The following TNRC6A variants were observed in gnomAD, a reference collection of about 807,000 sequenced individuals.
The protein encoded by TNRC6A is trinucleotide repeat-containing gene 6A protein.
In TNRC6A, 44 loss-of-function variants were observed where a neutral mutation model predicts 221.2. The ratio of observed to expected loss-of-function variants is 0.20; its 90% CI spans 0.16 to 0.26. The LOEUF (loss-of-function observed/expected upper bound fraction) is 0.26, where lower values mean the gene tolerates loss of function less well. Ranked by LOEUF, TNRC6A falls within the 10% of genes least tolerant of loss-of-function variation. TNRC6A has a pLI of 1.00. For synonymous variants in TNRC6A, 847 were observed against 838.5 expected, an observed-to-expected ratio of 1.01 and a Z score of -0.18; for missense variants, 2,199 against 2,404.4, an observed-to-expected ratio of 0.91 and a Z score of 1.79.
chr16:24,758,281 G>C lies in TNRC6A; in HGVS notation c.142-58G>C, dbSNP rs1596629278. 8.6e-6 allele frequency: 13 copies of C among 1,512,970 alleles called. No individual in the cohort carries two copies. In the East Asian group the frequency reaches 2.9e-4, roughly 34 times the overall value. The allele number at this position is 1,512,970 out of a possible 1,614,324, so 93.7% of individuals were successfully genotyped here. Reference sequence around the variant, plus strand: ...AATATATGAACATTTTATCATAACAGTCCATTTCTTTCAGTTTCATATTTA... The same window carrying C: ...AATATATGAACATTTTATCATAACACTCCATTTCTTTCAGTTTCATATTTA... On this transcript the variant is annotated intron_variant, in intron 3 of 24. Coordinates refer to ENST00000395799, the MANE Select transcript of TNRC6A (RefSeq NM_014494.4).
intron 2 of TNRC6A, among the ~76,000 whole-genome samples, chr16:24,745,515 T>C (rs1214014418): frequency 1.3e-5 from 2 of 152,236 alleles, no homozygotes; most frequent in African/African-American, 4.8e-5. Flanking sequence ...TATTTCTAGC[T>C]TGTAACATAC....
chr16:24,650,071 G>A (rs1029196099), intron 2 of TNRC6A, among the ~76,000 whole-genome samples: 2 of 151,148 alleles, frequency 1.3e-5, no homozygotes, highest in Non-Finnish European at 3.0e-5. Context: ...TGATCTGCCT[G>A]CCTTGGCCTT....
At position 24,797,834 on chromosome 16, in the gene TNRC6A, AAC is replaced by A. The variant is rs1341539887; in HGVS notation, c.3643-77_3643-76del. The A allele has an allele frequency of 4.1e-5, 52 of 1,260,704 alleles. No homozygotes were observed. The African/African-American group carries it at 5.8e-4, about 14-fold the overall frequency. The allele number at this position is 1,260,704 out of a possible 1,614,324, so 78.1% of individuals were successfully genotyped here. On this transcript the variant is annotated intron_variant, in intron 10 of 24. Transcript: ENST00000395799. ...TCCACTTGAATTTCACAGATAATGA[AAC>A]ACAGTAAAATTCTTCATTTTTTATT... is the stretch of plus-strand genomic sequence containing the variant.
At chr16:24,669,964 TTTTTA>T (rs1198850605) in intron 2 of TNRC6A, among the ~76,000 whole-genome samples, 1 of 127,608 alleles carries the variant, frequency 7.8e-6, no homozygotes, top group African/African-American at 2.9e-5. Flanking sequence ...TTTTTTTTTT[TTTTTA>T]GACAGAGTCT....
intron 1 of TNRC6A, among the ~76,000 whole-genome samples, chr16:24,620,763 G>A (rs1231005762): frequency 1.1e-4 from 17 of 150,478 alleles, no homozygotes; most frequent in African/African-American, 3.7e-4. Context: ...AGCCGAGATC[G>A]TGCCATTGCA....
intron 9 of TNRC6A, 161 bp downstream of exon 9, chr16:24,796,100 A>T: frequency 1.5e-6 from 1 of 685,570 alleles, no homozygotes; most frequent in Non-Finnish European, 2.5e-6. Flanking sequence ...GGGAGCTCAC[A>T]GTCTAGTATG....
At chr16:24,681,645 A>G (rs1338515568) in intron 2 of TNRC6A, among the ~76,000 whole-genome samples, 1 of 152,142 alleles carries the variant, frequency 6.6e-6, no homozygotes, top group Non-Finnish European at 1.5e-5. Flanking sequence ...ATGTGTTGTA[A>G]TTAGTCCAAC....
intron 2 of TNRC6A, among the ~76,000 whole-genome samples, chr16:24,688,825 G>A (rs1253603290): frequency 2.0e-5 from 3 of 152,180 alleles, no homozygotes; most frequent in Non-Finnish European, 4.4e-5. Context: ...AATCAGACTT[G>A]AACTCTATTC....
intron 2 of TNRC6A, among the ~76,000 whole-genome samples, chr16:24,680,905 G>A (rs115743636): frequency 0.013 from 1,932 of 150,916 alleles, 46 homozygotes; most frequent in African/African-American, 0.043. Flanking sequence ...GACTACAGGC[G>A]TGCACAACCA....
upstream of TNRC6A, among the ~76,000 whole-genome samples, chr16:24,728,484 G>C (rs1205553762): frequency 2.7e-5 from 4 of 147,870 alleles, no homozygotes; most frequent in African/African-American, 9.9e-5. Flanking sequence ...AAAAAAAAAA[G>C]CCAGTTGAAG....
chr16:24,647,981 C>T (rs760196124), intron 2 of TNRC6A, among the ~76,000 whole-genome samples: 4 of 152,048 alleles, frequency 2.6e-5, no homozygotes, highest in Non-Finnish European at 5.9e-5. Context: ...TATTTATCCT[C>T]TTTTGTTGGG....
intron 4 of TNRC6A, among the ~76,000 whole-genome samples, chr16:24,769,834 G>C (rs1489552609): frequency 6.6e-6 from 1 of 152,092 alleles, no homozygotes; most frequent in Non-Finnish European, 1.5e-5. Flanking sequence ...TTAATCCTCA[G>C]TATTGTTCTA....
At chr16:24,620,392 G>A (rs767856320) in intron 1 of TNRC6A, among the ~76,000 whole-genome samples, 1 of 152,112 alleles carries the variant, frequency 6.6e-6, no homozygotes, top group Non-Finnish European at 1.5e-5. Context: ...TGGTAGTGTC[G>A]TTATAATGCT....
chr16:24,795,827 T>A, intron 8 of TNRC6A, 80 bp from the exon 9 acceptor site: 3 of 1,387,524 alleles, frequency 2.2e-6, no homozygotes, highest in Non-Finnish European at 2.9e-6. Flanking sequence ...AGTAAGGACT[T>A]AAGTTTAGGT....
chr16:24,763,705 G>A (rs139550697), intron 4 of TNRC6A, among the ~76,000 whole-genome samples: 1 of 152,210 alleles, frequency 6.6e-6, no homozygotes, highest in East Asian at 1.9e-4. Context: ...TATGGTCACT[G>A]GTAATAAGCA....
chr16:24,761,821 G>T (rs989398106), intron 4 of TNRC6A, among the ~76,000 whole-genome samples: 7 of 152,146 alleles, frequency 4.6e-5, no homozygotes, highest in African/African-American at 1.7e-4. Flanking sequence ...GTGAGCCACC[G>T]CAGCTGGCTG....
At position 24,744,489 on chromosome 16, in the gene TNRC6A, T is replaced by TTCAC. The variant is rs757986373; in HGVS notation, c.54-6229_54-6226dup. Reference sequence around the variant, plus strand: ...CTGTAAGATTTGGTACTTCTCTCCATTCACTCACTCAATCATTCATTCATA... The same window carrying TTCAC: ...CTGTAAGATTTGGTACTTCTCTCCATTCACTCACTCACTCAATCATTCATTCATA... On this transcript the variant is annotated intron_variant, in intron 2 of 24. Coordinates refer to ENST00000395799, the MANE Select transcript of TNRC6A (RefSeq NM_014494.4). 2.5e-4 allele frequency among the ~76,000 whole-genome samples: 38 copies of TTCAC among 152,330 alleles called. No homozygotes were observed. In the South Asian group the frequency reaches 7.3e-3, roughly 29 times the overall value.
At chr16:24,703,368 T>TGTCA (rs1309211899) in intron 2 of TNRC6A, among the ~76,000 whole-genome samples, 1 of 152,180 alleles carries the variant, frequency 6.6e-6, no homozygotes, top group Non-Finnish European at 1.5e-5. Flanking sequence ...CCATAGCATG[T>TGTCA]GTCAGTACTC....
intron 2 of TNRC6A, among the ~76,000 whole-genome samples, chr16:24,690,049 T>G (rs1367560541): frequency 2.9e-5 from 4 of 136,554 alleles, no homozygotes; most frequent in South Asian, 2.4e-4. Flanking sequence ...TGAGATAGGG[T>G]CTCATTCTGT....
Sources: gnomAD v4.1 joint callset for allele counts (sites outside exome capture counted in the v4.1 genomes callset) on GRCh38, gnomAD v4.1.1 for gene constraint, MANE v1.5 for transcripts, NCBI Gene and HGNC (gene_info 2026-07-23, HGNC 2026-07-21) for gene names.